The following ABTB2 variants were observed in gnomAD, a reference collection of about 807,000 sequenced individuals.
ABTB2 encodes the protein ankyrin repeat and BTB domain containing 2, also known as ankyrin repeat and BTB/POZ domain-containing protein 2.
A neutral mutation model predicts 104.1 loss-of-function variants in ABTB2; 56 were observed. The ratio of observed to expected loss-of-function variants is 0.54; its 90% CI spans 0.43 to 0.67. ABTB2 has a LOEUF of 0.67. Ranked by LOEUF, ABTB2 falls within the 30% of genes least tolerant of loss-of-function variation. ABTB2 has a pLI of 0.00. For synonymous variants in ABTB2, 606 were observed against 608.2 expected, an observed-to-expected ratio of 1.00 and a Z score of 0.05; for missense variants, 1,279 against 1,407.7, an observed-to-expected ratio of 0.91 and a Z score of 1.46.
Position 34,197,330 on chromosome 11 carries a change from A to T in ABTB2, c.1239T>A (p.Asn413Lys), listed in dbSNP as rs1191932438. The T allele has an allele frequency of 1.2e-6, 2 of 1,613,730 alleles. No individual in the cohort carries two copies. Among genetic ancestry groups the T allele is most frequent in the Non-Finnish European group, 1.7e-6 (2 of 1,179,960 alleles). The change falls in exon 3 of 17, where the codon AAT (asparagine) becomes AAA (lysine). Residue 413 changes from asparagine to lysine, a missense_variant. By Grantham distance (94) the Asn-to-Lys change is moderately conservative (BLOSUM62 0). Transcript: ENST00000435224. ...AGCCCAAGGAAGATCCCTACCGTTC[A>T]TTGTTCAAGGTCATTCTCGGGGGGT... ...NLDPPRMTLNNERPFMLLPPL... is the reference protein window; with the variant it reads ...NLDPPRMTLNKERPFMLLPPL...
At chr11:34,261,000 G>A (rs1233434999) in intron 1 of ABTB2, among the ~76,000 whole-genome samples, 1 of 152,164 alleles carries the variant, frequency 6.6e-6, no homozygotes, top group Admixed American at 6.5e-5. Context: ...GTGGGTGCCT[G>A]TAATCCCAGC....
intron 14 of ABTB2, among the ~76,000 whole-genome samples, chr11:34,157,587 C>T (rs879711245): frequency 2.6e-5 from 4 of 152,226 alleles, no homozygotes; most frequent in Non-Finnish European, 5.9e-5. Flanking sequence ...CCTGCTCCCA[C>T]TCACCTGGAC....
chr11:34,244,085 A>G (rs2611092), intron 1 of ABTB2, among the ~76,000 whole-genome samples: 3,479 of 152,276 alleles, frequency 0.023, 142 homozygotes, highest in African/African-American at 0.079. Context: ...AGCCCTGGAG[A>G]TAGAAAAGAG....
chr11:34,275,094 C>A (rs1854368514), intron 1 of ABTB2, among the ~76,000 whole-genome samples: 1 of 152,214 alleles, frequency 6.6e-6, no homozygotes, highest in Non-Finnish European at 1.5e-5. Flanking sequence ...TTGACTATTT[C>A]TGAGGTAAAC....
chr11:34,240,593 T>C (rs1422392113), intron 1 of ABTB2, among the ~76,000 whole-genome samples: 1 of 152,176 alleles, frequency 6.6e-6, no homozygotes, highest in Non-Finnish European at 1.5e-5. Context: ...ATCTTCATTC[T>C]CCTCCCCGCC....
At position 34,356,312 on chromosome 11, in the gene ABTB2, A is replaced by G. The variant is rs929601169; in HGVS notation, c.883+389T>C. 6.6e-6 allele frequency among the ~76,000 whole-genome samples: 1 copy of G among 152,176 alleles called. No individual in the cohort carries two copies. Among genetic ancestry groups the G allele is most frequent in the Non-Finnish European group, 1.5e-5 (1 of 68,034 alleles). On this transcript the variant is annotated intron_variant, in intron 1 of 16. Coordinates refer to ENST00000435224, the MANE Select transcript of ABTB2 (RefSeq NM_145804.3). This position sits in a 1 kb window ranked among gnomAD's most constrained non-coding sequence, Gnocchi z 4.6. ...GAAAACTAGGGGGCAGAATCAGTCAATCTAACCAGCTGTTGGGGAAAGACA... is the reference window on the plus strand; with the variant it reads ...GAAAACTAGGGGGCAGAATCAGTCAGTCTAACCAGCTGTTGGGGAAAGACA...
At position 34,211,168 on chromosome 11, in the gene ABTB2, A is replaced by G. The variant is rs145635933; in HGVS notation, c.884-6478T>C. ...CTGTCACCCAAGCTGGAGTGCAGTA[A>G]TGGGATTACAGCTCACTACAGCTTC... On this transcript the variant is annotated intron_variant, in intron 1 of 16. Coordinates refer to ENST00000435224, the MANE Select transcript of ABTB2 (RefSeq NM_145804.3). Among the ~76,000 whole-genome samples the G allele has an allele frequency of 7.9e-4, 121 of 152,210 alleles. 2 individuals carry two copies. The East Asian group carries it at 0.019, about 23-fold the overall frequency.
intron 3 of ABTB2, among the ~76,000 whole-genome samples, chr11:34,173,725 C>T (rs1439909299): frequency 1.3e-5 from 2 of 152,026 alleles, no homozygotes; most frequent in African/African-American, 4.8e-5. Context: ...GTCAGGGTCG[C>T]CAAGTGTTCT....
At chr11:34,251,377 T>C (rs1195412717) in intron 1 of ABTB2, among the ~76,000 whole-genome samples, 1 of 152,038 alleles carries the variant, frequency 6.6e-6, no homozygotes, top group Non-Finnish European at 1.5e-5. Flanking sequence ...GCGGGGCTCA[T>C]CTCCAAAGGG....
At chr11:34,335,640 T>A (rs754962908) in intron 1 of ABTB2, 17 of 1,458,798 alleles carry the variant, frequency 1.2e-5, no homozygotes, top group Non-Finnish European at 1.6e-5. Flanking sequence ...TACCCTGAAA[T>A]TCATTCACAT....
chr11:34,168,162 G>A (rs1250018306), intron 5 of ABTB2, among the ~76,000 whole-genome samples, 170 bp from the exon 6 acceptor site: 3 of 152,244 alleles, frequency 2.0e-5, no homozygotes, highest in Non-Finnish European at 4.4e-5. Context: ...AGGGCATGGG[G>A]AAGGTGAGTG....
At chr11:34,284,504 T>A (rs1237319029) in intron 1 of ABTB2, among the ~76,000 whole-genome samples, 2 of 152,184 alleles carry the variant, frequency 1.3e-5, no homozygotes, top group East Asian at 3.9e-4. Context: ...AACAGAACTT[T>A]AATCACACTA....
rs182347643 is a variant in ABTB2 at position 34,153,758 on chromosome 11, C to T, written c.2880+507G>A. Among the ~76,000 whole-genome samples the T allele has an allele frequency of 1.6e-4, 25 of 152,180 alleles. No individual in the cohort carries two copies. The East Asian group carries it at 3.1e-3, about 19-fold the overall frequency. On this transcript the variant is annotated intron_variant, in intron 16 of 16. Coordinates refer to ENST00000435224, the MANE Select transcript of ABTB2 (RefSeq NM_145804.3). ...GTGATGGTGGTGGCTTAGGGCAAGG[C>T]GAGGGCAGTGGAGATGAAGGGAAGT...
At chr11:34,314,718 G>T (rs565031226) in intron 1 of ABTB2, among the ~76,000 whole-genome samples, 6 of 152,180 alleles carry the variant, frequency 3.9e-5, no homozygotes, top group Admixed American at 3.9e-4. Context: ...CTCTTAGAAG[G>T]ACTGGCTAGA....
rs952007008 is a variant in ABTB2, at chr11:34,151,308, A to T, written c.*1079T>A. 6.6e-6 allele frequency: 1 copy of T among 152,210 alleles called. No individual in the cohort carries two copies. The highest frequency in any genetic ancestry group is 6.5e-5 in the Admixed American group (1 of 15,284). The allele number at this position is 152,210 out of a possible 1,614,324, so 9.4% of individuals were successfully genotyped here. ...CTGCCCCAGTGTCTGGTCCATAAAT[A>T]TGACAGGTGTCAGGGGAGCCCAGGG... On this transcript the variant is annotated 3_prime_UTR_variant, in exon 17 of 17. Transcript: ENST00000435224.
At chr11:34,313,678 C>T (rs970194500) in intron 1 of ABTB2, among the ~76,000 whole-genome samples, 1 of 150,682 alleles carries the variant, frequency 6.6e-6, no homozygotes, top group Non-Finnish European at 1.5e-5. Flanking sequence ...GGGAGAGATG[C>T]CACTGGGAGG....
intron 1 of ABTB2, among the ~76,000 whole-genome samples, chr11:34,331,814 T>C (rs550540976): frequency 6.6e-6 from 1 of 152,192 alleles, no homozygotes; most frequent in South Asian, 2.1e-4. Context: ...AAAAGAAAAA[T>C]TAAAAACCCC....
rs974086630 is a variant in ABTB2, at chr11:34,356,596, A to C, written c.883+105T>G. ...TCAGACCAAACGTTTTCTCCCAAAG[A>C]ACTGGCACAGCCACCAGCTTTGTCT... is the stretch of plus-strand genomic sequence containing the variant. On this transcript the variant is annotated intron_variant, in intron 1 of 16. Coordinates refer to ENST00000435224, the MANE Select transcript of ABTB2 (RefSeq NM_145804.3). This position sits in a 1 kb window ranked among gnomAD's most constrained non-coding sequence, Gnocchi z 4.6. 1 of 1,395,296 alleles carries C rather than the reference A, an allele frequency of 7.2e-7. No homozygotes were observed. Among genetic ancestry groups the C allele is most frequent in the Admixed American group, 2.8e-5 (1 of 35,580 alleles). 86.4% of individuals were successfully genotyped at this position (1,395,296 alleles called of 1,614,324 possible).
intron 1 of ABTB2, among the ~76,000 whole-genome samples, chr11:34,307,736 TC>T (rs1226856958): frequency 6.6e-6 from 1 of 151,624 alleles, no homozygotes; most frequent in Non-Finnish European, 1.5e-5. Context: ...TCTCGCTCTG[TC>T]GCCCAGGCTG....
Sources: allele counts gnomAD v4.1 joint callset (sites outside exome capture counted in the v4.1 genomes callset), GRCh38; gene constraint gnomAD v4.1.1; non-coding constraint Gnocchi (gnomAD v3.1); transcripts MANE v1.5; gene names NCBI Gene and HGNC (gene_info 2026-07-23, HGNC 2026-07-21).